KBTBD12: variants seen among roughly 807,000 people sequenced by gnomAD.
The protein encoded by KBTBD12 is kelch repeat and BTB domain containing 12, also known as kelch repeat and BTB domain-containing protein 12.
In KBTBD12, 53 loss-of-function variants were observed where a neutral mutation model predicts 58.7. That is an observed-to-expected ratio of 0.90 (90% CI 0.72 to 1.14). The LOEUF (loss-of-function observed/expected upper bound fraction) is 1.14. KBTBD12 is among the 50% of genes most tolerant of loss of function. The probability of loss-of-function intolerance (pLI) is 0.00; values close to 1 mark genes in which losing one functional copy is unlikely to be tolerated. For missense variants in KBTBD12, 704 were observed against 751.3 expected (o/e 0.94, Z 0.74); for synonymous variants, 236 against 259.8 (o/e 0.91, Z 0.88).
At chr3:127,934,219 G>A (rs1487932818) in intron 4 of KBTBD12, among the ~76,000 whole-genome samples, 1 of 152,142 alleles carries the variant, frequency 6.6e-6, no homozygotes, top group Non-Finnish European at 1.5e-5. Flanking sequence ...AGGAAAATAT[G>A]ACCATGAGTC....
intron 4 of KBTBD12, among the ~76,000 whole-genome samples, chr3:127,930,610 A>G (rs1397793072): frequency 6.6e-6 from 1 of 152,204 alleles, no homozygotes; most frequent in Non-Finnish European, 1.5e-5. Flanking sequence ...AGTCAATGAA[A>G]TGTGGGCTTT....
chr3:127,983,760 AAC>A (rs1940917262), intron 5 of KBTBD12, among the ~76,000 whole-genome samples: 2 of 151,742 alleles, frequency 1.3e-5, no homozygotes, highest in Non-Finnish European at 2.9e-5. Context: ...TCAAAAAAAA[AAC>A]AGTCTGGCTT....
intron 5 of KBTBD12, among the ~76,000 whole-genome samples, chr3:127,973,306 G>T (rs891224041): frequency 6.6e-6 from 1 of 152,032 alleles, no homozygotes; most frequent in Admixed American, 6.6e-5. Context: ...AACTGACCCT[G>T]ACTCAAAAAA....
chr3:127,925,341 C>T (rs2107590095), intron 2 of KBTBD12, among the ~76,000 whole-genome samples: 1 of 152,268 alleles, frequency 6.6e-6, no homozygotes, highest in South Asian at 2.1e-4. Context: ...CCTTGACTTC[C>T]TGATGTGGTT....
At chr3:127,964,900 A>T (rs1348696042) in intron 5 of KBTBD12, among the ~76,000 whole-genome samples, 1 of 152,190 alleles carries the variant, frequency 6.6e-6, no homozygotes, top group Admixed American at 6.5e-5. Flanking sequence ...AAAGACTGTA[A>T]TCTATCATAG....
intron 1 of KBTBD12, among the ~76,000 whole-genome samples, chr3:127,922,133 C>G (rs1939424823): frequency 6.6e-6 from 1 of 151,958 alleles, no homozygotes; most frequent in African/African-American, 2.4e-5. Flanking sequence ...TCCATTTATC[C>G]AGGGAAGGTG....
In KBTBD12 at chr3:127,930,282, G is replaced by A; in HGVS notation, c.1491G>A (p.Leu497=). Residue 497 remains leucine (L), a splice_region_variant and synonymous_variant, in exon 4 of 6, where the codon TTG becomes TTA. Transcript: ENST00000405109. ...TAVVNSEIYV[L]GGIGCVGQDK... ...TAGTCAACAGTGAGATTTATGTTTT[G>A]GGTAAGAAGAAGCAGATTGCTAACA... 1 of 1,610,516 alleles carries A rather than the reference G, an allele frequency of 6.2e-7. No homozygotes were observed. The highest frequency in any genetic ancestry group is 1.1e-5 in the South Asian group (1 of 90,386).
intron 4 of KBTBD12, among the ~76,000 whole-genome samples, chr3:127,949,642 G>A (rs1050895590): frequency 1.1e-4 from 17 of 152,242 alleles, no homozygotes; most frequent in African/African-American, 3.9e-4. Context: ...AGATGGTCAA[G>A]AACTCTGTCT....
At chr3:127,960,546 CCT>C (rs1429304125) in intron 4 of KBTBD12, among the ~76,000 whole-genome samples, 24 of 152,306 alleles carry the variant, frequency 1.6e-4, no homozygotes, top group African/African-American at 5.5e-4. Context: ...CCCCAAGACA[CCT>C]CTCATCAAAA....
intron 4 of KBTBD12, among the ~76,000 whole-genome samples, chr3:127,940,396 C>G (rs1939924430): frequency 6.6e-6 from 1 of 152,126 alleles, no homozygotes; most frequent in African/African-American, 2.4e-5. Context: ...AGTATATTCT[C>G]TGACCACAGT....
intron 2 of KBTBD12, among the ~76,000 whole-genome samples, 181 bp downstream of exon 2, chr3:127,924,312 T>TTA (rs201049678): frequency 0.031 from 4,544 of 148,140 alleles, 79 homozygotes; most frequent in Non-Finnish European, 0.045. Context: ...GTGTATACAT[T>TTA]TATATATATA....
chr3:127,965,080 T>C (rs72983925), intron 5 of KBTBD12, among the ~76,000 whole-genome samples: 8,614 of 152,292 alleles, frequency 0.057, 285 homozygotes, highest in Middle Eastern at 0.11. Context: ...ATTCTGGCCT[T>C]TGGCTTTCTC....
intron 4 of KBTBD12, among the ~76,000 whole-genome samples, chr3:127,948,282 C>A (rs4857887): frequency 6.6e-6 from 1 of 151,974 alleles, no homozygotes; most frequent in African/African-American, 2.4e-5. Flanking sequence ...CAGTGCCATC[C>A]TAAGCAGTTA....
chr3:127,964,576 A>G (rs1279270332), intron 5 of KBTBD12, among the ~76,000 whole-genome samples: 1 of 148,160 alleles, frequency 6.7e-6, no homozygotes, highest in Non-Finnish European at 1.5e-5. Flanking sequence ...AGGGAGTTGG[A>G]GGTTGCAGTG....
chr3:127,960,123 C>T (rs902736026), intron 4 of KBTBD12, among the ~76,000 whole-genome samples: 5 of 152,150 alleles, frequency 3.3e-5, no homozygotes. Flanking sequence ...GAGCAAGCAC[C>T]ACTGCATTCA....
chr3:127,930,114 G>A lies in KBTBD12; in HGVS notation c.1342-19G>A. On this transcript the variant is annotated intron_variant, in intron 3 of 5. Coordinates refer to ENST00000405109, the MANE Select transcript of KBTBD12 (RefSeq NM_207335.4). ...TGCTAAATGATATGTTATTATATTGGCTGTCATATTTCATACAGATGGATC... is the reference window on the plus strand; with the variant it reads ...TGCTAAATGATATGTTATTATATTGACTGTCATATTTCATACAGATGGATC... 1 of 1,560,946 alleles carries A rather than the reference G, an allele frequency of 6.4e-7. No individual in the cohort carries two copies.
intron 5 of KBTBD12, among the ~76,000 whole-genome samples, chr3:127,968,225 A>T (rs924174768): frequency 1.3e-5 from 2 of 152,222 alleles, no homozygotes; most frequent in African/African-American, 4.8e-5. Flanking sequence ...CAGCAAGCTT[A>T]CTTATAAAAT....
At chr3:127,932,365 C>T (rs763263226) in intron 4 of KBTBD12, among the ~76,000 whole-genome samples, 8 of 152,114 alleles carry the variant, frequency 5.3e-5, no homozygotes, top group Non-Finnish European at 5.9e-5. Context: ...AATTGGAATT[C>T]GGGCAACTAT....
intron 4 of KBTBD12, among the ~76,000 whole-genome samples, chr3:127,936,948 G>GA (rs1402505686): frequency 2.0e-5 from 3 of 151,990 alleles, no homozygotes; most frequent in Non-Finnish European, 4.4e-5. Flanking sequence ...ACCCAAGTGG[G>GA]AAAAAAGAAA....
Sources: gnomAD v4.1 joint callset for allele counts (sites outside exome capture counted in the v4.1 genomes callset) on GRCh38, gnomAD v4.1.1 for gene constraint, MANE v1.5 for transcripts, NCBI Gene and HGNC (gene_info 2026-07-23, HGNC 2026-07-21) for gene names.